The following PARP3 variants were observed in gnomAD, a reference collection of about 807,000 sequenced individuals.
The protein encoded by PARP3 is protein mono-ADP-ribosyltransferase PARP3.
PARP3 carries 46 observed loss-of-function variants against 58.2 expected under a neutral mutation model. The observed-to-expected ratio is 0.79, with a 90% CI of 0.62 to 1.01. PARP3 has a LOEUF of 1.01. PARP3 is among the 50% of genes least tolerant of loss of function. The pLI is 0.00. For synonymous variants in PARP3, 252 were observed against 266.4 expected, an observed-to-expected ratio of 0.95 and a Z score of 0.53; for missense variants, 663 against 683.9, an observed-to-expected ratio of 0.97 and a Z score of 0.34.
Position 51,944,488 on chromosome 3 carries a change from G to T in PARP3, c.411G>T (p.Trp137Cys). The change falls in exon 4 of 11, where the codon TGG (tryptophan) becomes TGT (cysteine). Residue 137 changes from tryptophan to cysteine, a missense_variant. Coordinates refer to ENST00000398755, the MANE Select transcript of PARP3 (RefSeq NM_001003931.4). This position sits in a 1 kb window ranked among gnomAD's most constrained non-coding sequence, Gnocchi z 4.2. ...TTCGGGAAAAGACCAAGAACAACTG[G>T]GCAGAGCGGGACCACTTTGTGTCTC... ...KKFREKTKNN[W>C]AERDHFVSHP... 6.2e-7 allele frequency: 1 copy of T among 1,614,184 alleles called. No homozygotes were observed. Among genetic ancestry groups the T allele is most frequent in the East Asian group, 2.2e-5 (1 of 44,894 alleles).
chr3:51,944,498 G>C lies in PARP3; in HGVS notation c.421G>C (p.Asp141His), dbSNP rs772010324. The stretch of plus-strand genomic sequence containing the variant: ...GACCAAGAACAACTGGGCAGAGCGG[G>C]ACCACTTTGTGTCTCACCCGGGCAA... ...EKTKNNWAER[D>H]HFVSHPGKYT... Residue 141 changes from aspartate (D) to histidine (H), a missense_variant, in exon 4 of 11, where the codon GAC becomes CAC. Physicochemically the swap from Asp to His is moderately conservative, Grantham distance 81. Around this residue, in one of 3 missense-constraint regions of PARP3, gnomAD observed 567 missense variants for 553.6 expected, o/e 1.02. Coordinates refer to ENST00000398755, the MANE Select transcript of PARP3 (RefSeq NM_001003931.4). This position sits in a 1 kb window ranked among gnomAD's most constrained non-coding sequence, Gnocchi z 4.2. The C allele has an allele frequency of 6.2e-7, 1 of 1,614,178 alleles. No homozygotes were observed. Among genetic ancestry groups the C allele is most frequent in the Non-Finnish European group, 8.5e-7 (1 of 1,180,036 alleles).
intron 9 of PARP3, among the ~76,000 whole-genome samples, chr3:51,947,371 A>G (rs1699704426): frequency 6.6e-6 from 1 of 152,186 alleles, no homozygotes; most frequent in South Asian, 2.1e-4. Flanking sequence ...AGAGGGGCTT[A>G]GGAAAGAGTG....
chr3:51,944,602 C>A lies in PARP3; in HGVS notation c.501+24C>A. On this transcript the variant is annotated intron_variant, in intron 4 of 10. Transcript: ENST00000398755. The surrounding 1 kb of genome is among the most constrained non-coding windows in gnomAD (Gnocchi z 4.2). ...AGGTGAGATGGCCAAGGAAGGTGGGCAGGCCCTGGACTGAGGGAGGGGACT... is the reference window on the plus strand; with the variant it reads ...AGGTGAGATGGCCAAGGAAGGTGGGAAGGCCCTGGACTGAGGGAGGGGACT... 3.7e-6 allele frequency: 6 copies of A among 1,612,168 alleles called. No individual in the cohort carries two copies. The highest frequency in any genetic ancestry group is 5.1e-6 in the Non-Finnish European group (6 of 1,178,520).
chr3:51,947,049 G>A (rs1699695365), intron 9 of PARP3, among the ~76,000 whole-genome samples: 1 of 152,232 alleles, frequency 6.6e-6, no homozygotes. Context: ...CAGGCTGGAT[G>A]TGATGGGTGC....
chr3:51,945,508 T>C lies in PARP3; in HGVS notation c.875T>C (p.Ile292Thr). Residue 292 changes from isoleucine (I) to threonine (T), a missense_variant, in exon 7 of 11, where the codon ATC (isoleucine) becomes ACC (threonine). Transcript: ENST00000398755. ...CCATCATCCTAGGTGCTGGCGGACA[T>C]CGAGCTGGCCCAGGCCCTGCAGGCA... Reference protein sequence around the residue: ...KKDMLLVLADIELAQALQAVS... With the variant: ...KKDMLLVLADTELAQALQAVS... 1.9e-6 allele frequency: 3 copies of C among 1,613,458 alleles called. No individual in the cohort carries two copies. The highest frequency in any genetic ancestry group is 2.5e-6 in the Non-Finnish European group (3 of 1,179,792).
rs375373643 is a variant in PARP3 at position 51,943,497 on chromosome 3, G to A, written c.142G>A (p.Val48Met). Residue 48 changes from valine to methionine, a missense_variant, in exon 2 of 11, where the codon GTG becomes ATG. Val to Met is a conservative substitution (Grantham distance 21). This residue lies in a region of PARP3 where 567 missense variants were observed against 553.6 expected (regional missense o/e 1.02). Transcript: ENST00000398755. Reference protein sequence around the residue: ...AIPAEKRIIRVDPTCPLSSNP... With the variant: ...AIPAEKRIIRMDPTCPLSSNP... ...ACCCGCAGAGAAGCGCATAATCCGCGTGGATCCAACATGTCCACTCAGCAG... is the reference window on the plus strand; with the variant it reads ...ACCCGCAGAGAAGCGCATAATCCGCATGGATCCAACATGTCCACTCAGCAG... 42 of 1,610,996 alleles carry A rather than the reference G, an allele frequency of 2.6e-5. No individual in the cohort carries two copies. Among genetic ancestry groups the A allele is most frequent in the Non-Finnish European group, 3.1e-5 (36 of 1,179,056 alleles).
At chr3:51,943,742 A>G (rs1699600131) in intron 2 of PARP3, among the ~76,000 whole-genome samples, 1 of 151,908 alleles carries the variant, frequency 6.6e-6, no homozygotes, top group Non-Finnish European at 1.5e-5. Context: ...TTCAGACCCC[A>G]TGCAGGCCTC....
chr3:51,947,246 A>G (rs1479857657), intron 9 of PARP3, among the ~76,000 whole-genome samples: 1 of 152,160 alleles, frequency 6.6e-6, no homozygotes, highest in Non-Finnish European at 1.5e-5. Flanking sequence ...CCATCATTGG[A>G]GGCCACCACC....
rs1699567054 is a variant in PARP3 at position 51,942,449 on chromosome 3, A to G, written c.-262A>G. Reference sequence around the variant, plus strand: ...ACTGCCCCGGCCTTGGATATGCCAGATCGAGTGTCCACCCGTCCGTGGGAC... The same window carrying G: ...ACTGCCCCGGCCTTGGATATGCCAGGTCGAGTGTCCACCCGTCCGTGGGAC... On this transcript the variant is annotated 5_prime_UTR_variant, in exon 1 of 11. Transcript: ENST00000398755. 1 of 618,280 alleles carries G rather than the reference A, an allele frequency of 1.6e-6. No homozygotes were observed. The highest frequency in any genetic ancestry group is 2.8e-5 in the East Asian group (1 of 35,670). 38.3% of individuals were successfully genotyped at this position (618,280 alleles called of 1,614,324 possible). A position where few individuals can be genotyped will look rare whatever the true frequency, so the allele number is the denominator to read the frequency against.
rs532686609 is a variant in PARP3 at position 51,948,487 on chromosome 3, G to C, written c.*7G>C. 1 of 1,613,202 alleles carries C rather than the reference G, an allele frequency of 6.2e-7. No homozygotes were observed. Among genetic ancestry groups the C allele is most frequent in the South Asian group, 1.1e-5 (1 of 90,972 alleles). ...GCTGGAGGTCCACCTCTGAGTGCCC[G>C]CCCTGTCCCCCGGGGTCCTGCAAGG... On this transcript the variant is annotated 3_prime_UTR_variant, in exon 11 of 11. Transcript: ENST00000398755.
rs139794805 is a variant in PARP3, at chr3:51,944,478, A to G, written c.401A>G (p.Lys134Arg). 1.7e-4 allele frequency: 271 copies of G among 1,614,232 alleles called. No homozygotes were observed. In the African/African-American group the frequency reaches 3.0e-3, roughly 18 times the overall value. The change falls in exon 4 of 11, where the codon AAG becomes AGG. Residue 134 changes from lysine (K) to arginine (R), a missense_variant. Lys to Arg is a conservative substitution (Grantham distance 26). This residue lies in a region of PARP3 where 567 missense variants were observed against 553.6 expected (regional missense o/e 1.02). Coordinates refer to ENST00000398755, the MANE Select transcript of PARP3 (RefSeq NM_001003931.4). The surrounding 1 kb of genome is among the most constrained non-coding windows in gnomAD (Gnocchi z 4.2). Reference protein sequence around the residue: ...DFEKKFREKTKNNWAERDHFV... With the variant: ...DFEKKFREKTRNNWAERDHFV... ...GAGAAGAAATTTCGGGAAAAGACCA[A>G]GAACAACTGGGCAGAGCGGGACCAC...
At position 51,945,241 on chromosome 3, in the gene PARP3, G is replaced by T. The variant is rs771504436; in HGVS notation, c.861+17G>T. ...ATGCTGCTGGTGAGGGCTGGCAGGG[G>T]TGCGGGCAGGCAGTGGGGCACTGAA... On this transcript the variant is annotated intron_variant, in intron 6 of 10. Transcript: ENST00000398755. 3.7e-6 allele frequency: 6 copies of T among 1,608,870 alleles called. No homozygotes were observed. The highest frequency in any genetic ancestry group is 5.1e-6 in the Non-Finnish European group (6 of 1,175,832).
In PARP3 at chr3:51,944,112, C is replaced by T. The variant is rs1699611186; in HGVS notation, c.207C>T (p.Thr69=). The T allele has an allele frequency of 6.2e-7, 1 of 1,613,726 alleles. No homozygotes were observed. The highest frequency in any genetic ancestry group is 8.5e-7 in the Non-Finnish European group (1 of 1,179,916). The change falls in exon 3 of 11, where the codon ACC becomes ACT. Residue 69 remains threonine (T), a synonymous_variant. Transcript: ENST00000398755. This position sits in a 1 kb window ranked among gnomAD's most constrained non-coding sequence, Gnocchi z 4.2. The stretch of plus-strand genomic sequence containing the variant: ...AGGTGTATGAGGACTACAACTGCAC[C>T]CTGAACCAGACCAACATCGAGAACA... The part of the protein sequence containing the change: ...GTQVYEDYNC[T]LNQTNIENNN...
chr3:51,945,903 A>G lies in PARP3; in HGVS notation c.1062A>G (p.Thr354=), dbSNP rs200569026. ...CTGGCAGCAACCACAGGTGCCCTAC[A>G]CTTCAACACATCTGGAAAGTAAACC... ...EQTGSNHRCP[T]LQHIWKVNQE... Residue 354 remains threonine, a synonymous_variant, in exon 8 of 11, where the codon ACA becomes ACG. Transcript: ENST00000398755. 6.2e-7 allele frequency: 1 copy of G among 1,614,054 alleles called. No individual in the cohort carries two copies. Among genetic ancestry groups the G allele is most frequent in the East Asian group, 2.2e-5 (1 of 44,886 alleles).
rs755931469 is a variant in PARP3 at position 51,948,426 on chromosome 3, CA to C, written c.1549del (p.Ile517SerfsTer32). The C allele has an allele frequency of 1.9e-6, 3 of 1,614,178 alleles. No individual in the cohort carries two copies. The Admixed American group carries it at 5.0e-5, about 27-fold the overall frequency. On this transcript the variant is annotated frameshift_variant, in exon 11 of 11. Coordinates refer to ENST00000398755, the MANE Select transcript of PARP3 (RefSeq NM_001003931.4). LOFTEE classifies it high-confidence loss of function. ...SSTFSQSEYL[I>X]YQESQCRLRY... ...CCACATTCTCCCAGAGCGAGTACCT[CA>C]TCTACCAGGAGAGCCAGTGTCGCCT...
chr3:51,943,316 C>A lies in PARP3; in HGVS notation c.-2-38C>A, dbSNP rs767807297. The stretch of plus-strand genomic sequence containing the variant: ...GAGTGGGTCGTTGGGGATGAGGAGA[C>A]CATGGAGGCCTAAGGGCCTCTCTGT... On this transcript the variant is annotated intron_variant, in intron 1 of 10. Coordinates refer to ENST00000398755, the MANE Select transcript of PARP3 (RefSeq NM_001003931.4). The A allele has an allele frequency of 6.6e-6, 10 of 1,512,056 alleles. No individual in the cohort carries two copies. The South Asian group carries it at 1.2e-4, about 19-fold the overall frequency. 93.7% of individuals were successfully genotyped at this position (1,512,056 alleles called of 1,614,324 possible).
At chr3:51,947,984 G>A in intron 10 of PARP3, 89 bp downstream of exon 10, 1 of 1,304,822 alleles carries the variant, frequency 7.7e-7, no homozygotes, top group Admixed American at 2.1e-5. Flanking sequence ...TGTGAAGAGG[G>A]ACAAAAAGAA....
In PARP3 at chr3:51,943,495, G is replaced by T. The variant is rs781073336; in HGVS notation, c.140G>T (p.Arg47Leu). The T allele has an allele frequency of 9.3e-6, 15 of 1,611,002 alleles. No homozygotes were observed. Among genetic ancestry groups the T allele is most frequent in the South Asian group, 5.5e-5 (5 of 90,568 alleles). Reference sequence around the variant, plus strand: ...ATACCCGCAGAGAAGCGCATAATCCGCGTGGATCCAACATGTCCACTCAGC... The same window carrying T: ...ATACCCGCAGAGAAGCGCATAATCCTCGTGGATCCAACATGTCCACTCAGC... Reference protein sequence around the residue: ...KAIPAEKRIIRVDPTCPLSSN... With the variant: ...KAIPAEKRIILVDPTCPLSSN... The change falls in exon 2 of 11, where the codon CGC becomes CTC. Residue 47 changes from arginine (R) to leucine (L), a missense_variant. Transcript: ENST00000398755.
chr3:51,945,822 C>T, intron 7 of PARP3, 31 bp from the exon 8 acceptor site: 1 of 1,598,044 alleles, frequency 6.3e-7, no homozygotes, highest in Non-Finnish European at 8.6e-7. Context: ...GAGCCTCCCA[C>T]CCTGGCAACC....
Sources: allele counts gnomAD v4.1 joint callset (sites outside exome capture counted in the v4.1 genomes callset), GRCh38; gene constraint gnomAD v4.1.1; regional missense constraint gnomAD v4.1.1; non-coding constraint Gnocchi (gnomAD v3.1); transcripts MANE v1.5; gene names NCBI Gene and HGNC (gene_info 2026-07-23, HGNC 2026-07-21).